The following GBP7 variants were observed in gnomAD, a reference collection of about 807,000 sequenced individuals.
GBP7 encodes the protein guanylate binding protein 7.
A neutral mutation model predicts 61.3 loss-of-function variants in GBP7; 43 were observed. The ratio of observed to expected loss-of-function variants is 0.70; its 90% CI spans 0.55 to 0.91. GBP7 has a LOEUF of 0.91. Among genes scored for constraint, GBP7 ranks in the 40% least tolerant of loss-of-function variants. The probability of loss-of-function intolerance (pLI) is 0.00; values close to 1 mark genes in which losing one functional copy is unlikely to be tolerated. For synonymous variants in GBP7, 267 were observed against 271.0 expected (o/e 0.99, Z 0.14); for missense variants, 717 against 740.5 (o/e 0.97, Z 0.37).
At chr1:89,132,640 C>A (rs1483690745) in intron 10 of GBP7, among the ~76,000 whole-genome samples, 1 of 152,108 alleles carries the variant, frequency 6.6e-6, no homozygotes, top group Non-Finnish European at 1.5e-5. Context: ...GAATTTTGTT[C>A]CAGCACAATG....
At chr1:89,164,689 A>G in intron 3 of GBP7, 42 bp downstream of exon 3, 1 of 1,597,054 alleles carries the variant, frequency 6.3e-7, no homozygotes, top group South Asian at 1.1e-5. Context: ...ACATAAATAG[A>G]GAATCAAAGG....
rs1441275869 is a variant in GBP7, at chr1:89,149,284, A to G, written c.1152+8T>C. 4 of 1,581,182 alleles carry G rather than the reference A, an allele frequency of 2.5e-6. No individual in the cohort carries two copies. The highest frequency in any genetic ancestry group is 2.6e-6 in the Non-Finnish European group (3 of 1,164,164). ...GGAATCAAGAAAAAAAAAAATAACAAAGATTACCACAAGCTTCTTCTGAAA... is the reference window on the plus strand; with the variant it reads ...GGAATCAAGAAAAAAAAAAATAACAGAGATTACCACAAGCTTCTTCTGAAA... On this transcript the variant is annotated splice_region_variant and intron_variant, in intron 7 of 10. Transcript: ENST00000294671.
intron 5 of GBP7, among the ~76,000 whole-genome samples, chr1:89,151,454 G>C (rs1049601529): frequency 6.6e-6 from 1 of 152,138 alleles, no homozygotes. Context: ...TGAAAGAGAC[G>C]GAAAATACTC....
chr1:89,145,862 G>A (rs1241240814), intron 8 of GBP7, among the ~76,000 whole-genome samples: 2 of 150,882 alleles, frequency 1.3e-5, no homozygotes, highest in African/African-American at 4.9e-5. Flanking sequence ...ACATTGACTG[G>A]AAAAATTAAT....
intron 3 of GBP7, among the ~76,000 whole-genome samples, chr1:89,155,089 G>C (rs890919696): frequency 1.3e-5 from 2 of 152,190 alleles, no homozygotes; most frequent in Non-Finnish European, 2.9e-5. Context: ...AGGCAAACAG[G>C]GTCTGGAGTG....
chr1:89,169,364 C>G (rs1427665720), intron 2 of GBP7, among the ~76,000 whole-genome samples: 1 of 152,126 alleles, frequency 6.6e-6, no homozygotes, highest in African/African-American at 2.4e-5. Flanking sequence ...CATGACTGTT[C>G]TTGCTGTACT....
intron 1 of GBP7, among the ~76,000 whole-genome samples, chr1:89,174,555 G>C (rs1431308364): frequency 6.6e-6 from 1 of 152,198 alleles, no homozygotes; most frequent in Non-Finnish European, 1.5e-5. Context: ...GAAACATTGT[G>C]TTATACATAT....
intron 1 of GBP7, among the ~76,000 whole-genome samples, chr1:89,174,419 G>A (rs993851934): frequency 2.6e-5 from 4 of 152,044 alleles, no homozygotes; most frequent in African/African-American, 9.7e-5. Flanking sequence ...TAGGTGCCCC[G>A]CTTGCTCTTC....
At position 89,150,413 on chromosome 1, in the gene GBP7, A is replaced by T. The variant is rs747672799; in HGVS notation, c.788T>A (p.Met263Lys). Residue 263 changes from methionine to lysine, a missense_variant, in exon 6 of 11, where the codon ATG becomes AAG. By Grantham distance (95) the Met-to-Lys change is moderately conservative (BLOSUM62 -1). Coordinates refer to ENST00000294671, the MANE Select transcript of GBP7 (RefSeq NM_207398.3). ...ATAAGAACAGAAATTTTCTGATTGC[A>T]TCTGGAAATTACTATCCAGTTGGTC... ...REDQLDSNFQ[M>K]QSENFCSYIF... 3 of 1,614,002 alleles carry T rather than the reference A, an allele frequency of 1.9e-6. No individual in the cohort carries two copies. The highest frequency in any genetic ancestry group is 4.5e-5 in the East Asian group (2 of 44,870).
chr1:89,173,773 T>C (rs1437669847), intron 1 of GBP7, among the ~76,000 whole-genome samples: 1 of 152,224 alleles, frequency 6.6e-6, no homozygotes, highest in Admixed American at 6.5e-5. Flanking sequence ...GTATGATTTA[T>C]TTTTTGAGTT....
Position 89,135,902 on chromosome 1 carries a change from C to G in GBP7, c.1469-2451G>C, listed in dbSNP as rs983296454. Reference sequence around the variant, plus strand: ...TAAAGAAATAAGACCCAACTGTCTTCGATGTTCAAGAGACCAATCTCATAT... The same window carrying G: ...TAAAGAAATAAGACCCAACTGTCTTGGATGTTCAAGAGACCAATCTCATAT... On this transcript the variant is annotated intron_variant, in intron 9 of 10. Coordinates refer to ENST00000294671, the MANE Select transcript of GBP7 (RefSeq NM_207398.3). 2.2e-4 allele frequency among the ~76,000 whole-genome samples: 34 copies of G among 152,038 alleles called. 1 individual carries two copies. Among genetic ancestry groups the G allele is most frequent in the Non-Finnish European group, 5.0e-4 (34 of 68,004 alleles).
At chr1:89,160,013 A>G (rs1398688296) in intron 3 of GBP7, among the ~76,000 whole-genome samples, 1 of 152,240 alleles carries the variant, frequency 6.6e-6, no homozygotes, top group Non-Finnish European at 1.5e-5. Flanking sequence ...CATATATACC[A>G]TGGAATACCA....
At chr1:89,156,136 T>C (rs996461492) in intron 3 of GBP7, among the ~76,000 whole-genome samples, 1 of 152,168 alleles carries the variant, frequency 6.6e-6, no homozygotes, top group South Asian at 2.1e-4. Context: ...TAAAATACTT[T>C]ACAGACAAGC....
chr1:89,140,134 C>T (rs1005137753), intron 9 of GBP7, among the ~76,000 whole-genome samples: 1 of 151,816 alleles, frequency 6.6e-6, no homozygotes, highest in African/African-American at 2.4e-5. Context: ...GAGTCATGTC[C>T]TTTATAGGGA....
At chr1:89,156,568 TA>T (rs1457911258) in intron 3 of GBP7, among the ~76,000 whole-genome samples, 1 of 152,058 alleles carries the variant, frequency 6.6e-6, no homozygotes, top group Non-Finnish European at 1.5e-5. Context: ...TCATCTCTGA[TA>T]AAACAGACTT....
At chr1:89,166,056 C>G (rs1056718020) in intron 2 of GBP7, among the ~76,000 whole-genome samples, 1 of 152,120 alleles carries the variant, frequency 6.6e-6, no homozygotes, top group African/African-American at 2.4e-5. Flanking sequence ...ACCTCCAGAT[C>G]TACGAGAAAT....
At chr1:89,139,484 A>G (rs1226697135) in intron 9 of GBP7, among the ~76,000 whole-genome samples, 1 of 152,218 alleles carries the variant, frequency 6.6e-6, no homozygotes, top group Non-Finnish European at 1.5e-5. Context: ...ACAGCAAAAG[A>G]AACTACCATC....
chr1:89,167,237 G>A (rs888454580), intron 2 of GBP7, among the ~76,000 whole-genome samples: 3 of 152,108 alleles, frequency 2.0e-5, no homozygotes, highest in African/African-American at 7.2e-5. Flanking sequence ...TTCCACAGCT[G>A]ACCTTTTCTA....
chr1:89,157,512 G>A (rs745822246), intron 3 of GBP7, among the ~76,000 whole-genome samples: 39 of 149,288 alleles, frequency 2.6e-4, no homozygotes, highest in Admixed American at 3.9e-4. Context: ...AATAAAAAAC[G>A]ATATAGGGCA....
Sources: gnomAD v4.1 joint callset for allele counts (sites outside exome capture counted in the v4.1 genomes callset) on GRCh38, gnomAD v4.1.1 for gene constraint, MANE v1.5 for transcripts, NCBI Gene and HGNC (gene_info 2026-07-23, HGNC 2026-07-21) for gene names.